Variants in PTPRD observed in about 807,000 individuals in gnomAD.
PTPRD encodes the protein receptor-type tyrosine-protein phosphatase delta.
PTPRD carries 34 observed loss-of-function variants against 214.5 expected under a neutral mutation model. The observed-to-expected ratio is 0.16, with a 90% CI of 0.12 to 0.21. The LOEUF (loss-of-function observed/expected upper bound fraction) is 0.21. Among genes scored for constraint, PTPRD ranks in the 10% least tolerant of loss-of-function variants. The pLI is 1.00. For synonymous variants in PTPRD, 1,128 were observed against 845.7 expected, an observed-to-expected ratio of 1.33 and a Z score of -5.79; for missense variants, 2,545 against 2,398.7, an observed-to-expected ratio of 1.06 and a Z score of -1.27.
At chr9:9,451,887 GAGAGA>G (rs2092268340) in intron 8 of PTPRD, among the ~76,000 whole-genome samples, 3 of 151,464 alleles carry the variant, frequency 2.0e-5, no homozygotes, top group Admixed American at 6.6e-5. Flanking sequence ...ATTCATTACA[GAGAGA>G]AGAGGAGATG....
chr9:9,039,122 T>C (rs1315498099), intron 10 of PTPRD, among the ~76,000 whole-genome samples: 3 of 152,164 alleles, frequency 2.0e-5, no homozygotes, highest in African/African-American at 7.2e-5. Context: ...CAACAAGCTA[T>C]ACACATGGAT....
At chr9:9,089,977 G>A (rs924190501) in intron 10 of PTPRD, among the ~76,000 whole-genome samples, 23 of 152,118 alleles carry the variant, frequency 1.5e-4, no homozygotes, top group African/African-American at 5.6e-4. Flanking sequence ...TGGGGTATAT[G>A]TGATATTTTG....
chr9:9,580,547 C>CT (rs1176394314), intron 7 of PTPRD, among the ~76,000 whole-genome samples: 1,993 of 123,090 alleles, frequency 0.016, 48 homozygotes, highest in South Asian at 0.022. Context: ...ACTTTATTTT[C>CT]TTTTTTTTTT....
At chr9:10,069,325 A>T (rs2097947959) in intron 3 of PTPRD, among the ~76,000 whole-genome samples, 1 of 151,902 alleles carries the variant, frequency 6.6e-6, no homozygotes, top group Non-Finnish European at 1.5e-5. Flanking sequence ...TCCCTTTGTG[A>T]TACTCCATTA....
At chr9:8,359,533 T>C (rs1490535264) in intron 39 of PTPRD, among the ~76,000 whole-genome samples, 1 of 152,106 alleles carries the variant, frequency 6.6e-6, no homozygotes, top group Non-Finnish European at 1.5e-5. Flanking sequence ...AGGGTTTCAC[T>C]GTATTGCCCA....
At chr9:8,817,862 G>C (rs944753357) in intron 11 of PTPRD, among the ~76,000 whole-genome samples, 9 of 152,072 alleles carry the variant, frequency 5.9e-5, no homozygotes, top group Non-Finnish European at 1.5e-5. Flanking sequence ...CAAAACATTT[G>C]ACAACTAAGA....
intron 8 of PTPRD, among the ~76,000 whole-genome samples, chr9:9,502,500 T>A (rs990380403): frequency 2.0e-5 from 3 of 151,928 alleles, no homozygotes. Context: ...CTGTTTTGAG[T>A]GTAAAATGAT....
intron 3 of PTPRD, among the ~76,000 whole-genome samples, chr9:10,296,806 A>G (rs1040887573): frequency 1.3e-5 from 2 of 152,016 alleles, no homozygotes; most frequent in Admixed American, 1.3e-4. Flanking sequence ...ATTGCTTCTG[A>G]GGTAGCAAAA....
chr9:9,963,792 G>T (rs887587492), intron 4 of PTPRD, among the ~76,000 whole-genome samples: 1 of 152,100 alleles, frequency 6.6e-6, no homozygotes. Context: ...AGTTCCTGAA[G>T]GGTACCATGC....
intron 11 of PTPRD, among the ~76,000 whole-genome samples, chr9:8,898,934 T>A (rs573500270): frequency 1.3e-5 from 2 of 152,188 alleles, no homozygotes; most frequent in Admixed American, 6.5e-5. Context: ...AAAGCAAAAA[T>A]ATAACTAGGA....
At chr9:8,618,914 GTTTTTTTTTT>G (rs554282961) in intron 14 of PTPRD, among the ~76,000 whole-genome samples, 4 of 67,834 alleles carry the variant, frequency 5.9e-5, no homozygotes, top group Admixed American at 2.3e-4. Flanking sequence ...GTGTTTTTTT[GTTTTTTTTTT>G]TTTTTTTTTT....
chr9:10,509,742 C>A (rs1329593785), intron 2 of PTPRD, among the ~76,000 whole-genome samples: 4 of 151,022 alleles, frequency 2.6e-5, no homozygotes, highest in African/African-American at 9.7e-5. Context: ...ATTTCAAAAC[C>A]AAGATCTGGA....
chr9:8,753,691 T>C (rs1325334417), intron 11 of PTPRD, among the ~76,000 whole-genome samples: 1 of 152,196 alleles, frequency 6.6e-6, no homozygotes, highest in Non-Finnish European at 1.5e-5. Flanking sequence ...TAATTAGGTA[T>C]TTCTTAAATG....
intron 9 of PTPRD, among the ~76,000 whole-genome samples, chr9:9,364,117 T>G (rs2057155850): frequency 6.6e-6 from 1 of 151,428 alleles, no homozygotes; most frequent in African/African-American, 2.4e-5. Context: ...GCCTATTGCC[T>G]CTCTTAAATC....
chr9:8,512,779 T>C (rs1194565030), intron 21 of PTPRD, among the ~76,000 whole-genome samples: 1 of 152,034 alleles, frequency 6.6e-6, no homozygotes, highest in East Asian at 1.9e-4. Context: ...ACATGCTTTC[T>C]AAATACAGTT....
chr9:9,281,559 C>T (rs144573103), intron 9 of PTPRD, among the ~76,000 whole-genome samples: 57 of 151,304 alleles, frequency 3.8e-4, no homozygotes, highest in African/African-American at 1.3e-3. Context: ...TTACTACACA[C>T]CTATATTAGA....
intron 9 of PTPRD, among the ~76,000 whole-genome samples, chr9:9,355,968 A>T (rs2053607163): frequency 6.6e-6 from 1 of 151,454 alleles, no homozygotes; most frequent in Admixed American, 6.6e-5. Flanking sequence ...TACCAGTAAG[A>T]TTAAACAAAA....
At chr9:10,519,080 C>G (rs2051204700) in intron 2 of PTPRD, among the ~76,000 whole-genome samples, 1 of 151,578 alleles carries the variant, frequency 6.6e-6, no homozygotes, top group Non-Finnish European at 1.5e-5. Context: ...GCAGCATATC[C>G]TCATTGTCAG....
intron 3 of PTPRD, among the ~76,000 whole-genome samples, chr9:10,170,828 T>A (rs1302082567): frequency 6.6e-6 from 1 of 152,198 alleles, no homozygotes; most frequent in Non-Finnish European, 1.5e-5. Context: ...CAATTGTATA[T>A]CATCACACTA....
Sources: gnomAD v4.1 joint callset for allele counts (sites outside exome capture counted in the v4.1 genomes callset) on GRCh38, gnomAD v4.1.1 for gene constraint, MANE v1.5 for transcripts, NCBI Gene and HGNC (gene_info 2026-07-23, HGNC 2026-07-21) for gene names.